Variants in RANBP2 observed in about 807,000 individuals in gnomAD.
RANBP2 encodes the protein RAN binding protein 2, also known as E3 SUMO-protein ligase RanBP2.
A neutral mutation model predicts 303.6 loss-of-function variants in RANBP2; 57 were observed. The observed-to-expected ratio is 0.19, with a 90% confidence interval of 0.15 to 0.23. The LOEUF (loss-of-function observed/expected upper bound fraction) is 0.23, where lower values mean the gene tolerates loss of function less well. Among genes scored for constraint, RANBP2 ranks in the 10% least tolerant of loss-of-function variants. The pLI, the probability that RANBP2 is intolerant of heterozygous loss-of-function variation, is 1.00. For synonymous variants in RANBP2, 1,167 were observed against 1,301.5 expected (o/e 0.90, Z 2.23); for missense variants, 3,138 against 3,780.8 (o/e 0.83, Z 4.46).
At chr2:108,909,733 C>G in the RANBP2 span, among the ~76,000 whole-genome samples, 1 of 152,224 alleles carries the variant, frequency 6.6e-6, no homozygotes, top group East Asian at 1.9e-4. Context: ...ATATTGACTT[C>G]CCTCTACCCT....
At chr2:109,349,941 CTG>C in the RANBP2 span, among the ~76,000 whole-genome samples, 3 of 152,358 alleles carry the variant, frequency 2.0e-5, no homozygotes, top group African/African-American at 7.2e-5. Flanking sequence ...GGCCCTGACT[CTG>C]TGTCGGGTAC....
At chr2:109,447,540 G>A in the RANBP2 span, among the ~76,000 whole-genome samples, 73 of 152,290 alleles carry the variant, frequency 4.8e-4, no homozygotes, top group African/African-American at 1.7e-3. Context: ...CCTTAAGAAT[G>A]CACAGCAGCT....
chr2:109,620,091 G>A, the RANBP2 span, among the ~76,000 whole-genome samples: 1 of 152,046 alleles, frequency 6.6e-6, no homozygotes, highest in Admixed American at 6.6e-5. Flanking sequence ...TTTCCACATC[G>A]ATGCATTGGT....
the RANBP2 span, among the ~76,000 whole-genome samples, chr2:108,909,057 G>T: frequency 6.6e-6 from 1 of 152,190 alleles, no homozygotes; most frequent in Non-Finnish European, 1.5e-5. Context: ...AGGGACAAAA[G>T]CTCAGTGCCT....
At chr2:109,545,535 C>T in the RANBP2 span, 1 of 1,535,908 alleles carries the variant, frequency 6.5e-7, no homozygotes, top group South Asian at 1.2e-5. Flanking sequence ...AATCGACAGC[C>T]TGGTTCCCTT....
the RANBP2 span, among the ~76,000 whole-genome samples, chr2:109,191,796 C>T: frequency 6.6e-6 from 1 of 152,172 alleles, no homozygotes; most frequent in Non-Finnish European, 1.5e-5. Flanking sequence ...TGGGCAAAGT[C>T]CCCAGGTTGG....
chr2:109,033,955 CAAAAA>C, the RANBP2 span, among the ~76,000 whole-genome samples: 2 of 106,884 alleles, frequency 1.9e-5, no homozygotes, highest in East Asian at 2.7e-4. Flanking sequence ...ACCCTGACTC[CAAAAA>C]AAAAAAAAAA....
the RANBP2 span, among the ~76,000 whole-genome samples, chr2:109,709,307 A>AAAAT: frequency 1.6e-5 from 2 of 127,664 alleles, no homozygotes; most frequent in Admixed American, 8.6e-5. Flanking sequence ...ACTGTGTCTC[A>AAAAT]AAAATAAAAT....
chr2:109,239,142 T>C, the RANBP2 span, among the ~76,000 whole-genome samples: 1 of 152,208 alleles, frequency 6.6e-6, no homozygotes, highest in African/African-American at 2.4e-5. Flanking sequence ...CTCAGAACTC[T>C]GTGAGCACTT....
chr2:109,674,536 T>C, the RANBP2 span, among the ~76,000 whole-genome samples: 2 of 151,902 alleles, frequency 1.3e-5, no homozygotes, highest in African/African-American at 2.4e-5. Flanking sequence ...TGAGCTATGA[T>C]TGCACTGCTG....
chr2:108,730,297 C>T (rs1018715973), intron 2 of RANBP2, among the ~76,000 whole-genome samples: 4 of 147,150 alleles, frequency 2.7e-5, no homozygotes, highest in African/African-American at 1.1e-4. Context: ...TTCTTCTGTT[C>T]GATTTTAGCT....
At chr2:109,518,424 C>T in the RANBP2 span, among the ~76,000 whole-genome samples, 1 of 152,120 alleles carries the variant, frequency 6.6e-6, no homozygotes, top group Non-Finnish European at 1.5e-5. Flanking sequence ...AGGTAGCTTC[C>T]CCCAGGGCTT....
At chr2:108,723,081 G>T (rs1694403052) in intron 1 of RANBP2, among the ~76,000 whole-genome samples, 1 of 151,852 alleles carries the variant, frequency 6.6e-6, no homozygotes, top group East Asian at 1.9e-4. Flanking sequence ...TTGCTGTGTT[G>T]CCCAGGCTGC....
At chr2:109,602,277 T>A in the RANBP2 span, among the ~76,000 whole-genome samples, 1 of 151,792 alleles carries the variant, frequency 6.6e-6, no homozygotes, top group Non-Finnish European at 1.5e-5. Context: ...AGAAACTGCA[T>A]GAACAGAAAG....
the RANBP2 span, among the ~76,000 whole-genome samples, chr2:109,078,926 G>T: frequency 6.6e-6 from 1 of 151,972 alleles, no homozygotes; most frequent in African/African-American, 2.4e-5. Context: ...GGGAGGCGGA[G>T]CTTGCAGTGA....
chr2:109,347,815 A>G, the RANBP2 span: 1 of 1,613,990 alleles, frequency 6.2e-7, no homozygotes, highest in Non-Finnish European at 8.5e-7. Context: ...GCTGCACGGC[A>G]CACAGGGCTT....
At chr2:108,818,128 A>G in the RANBP2 span, among the ~76,000 whole-genome samples, 2 of 152,080 alleles carry the variant, frequency 1.3e-5, no homozygotes, top group African/African-American at 4.8e-5. Flanking sequence ...CAACATGGTG[A>G]CACCCCATCT....
the RANBP2 span, among the ~76,000 whole-genome samples, chr2:108,965,270 G>A: frequency 6.6e-6 from 1 of 152,134 alleles, no homozygotes; most frequent in African/African-American, 2.4e-5. Context: ...GAGGTCAGGA[G>A]ATCGAGACCA....
At chr2:109,613,615 G>T in the RANBP2 span, 23 of 336,922 alleles carry the variant, frequency 6.8e-5, no homozygotes, top group African/African-American at 5.0e-4. Flanking sequence ...AGGCTCCGCA[G>T]AGGCTCCTCT....
Sources: allele counts gnomAD v4.1 joint callset (sites outside exome capture counted in the v4.1 genomes callset), GRCh38; gene constraint gnomAD v4.1.1; transcripts MANE v1.5; gene names NCBI Gene and HGNC (gene_info 2026-07-23, HGNC 2026-07-21).